Variants in NCKAP1 observed in about 807,000 individuals in gnomAD.
NCKAP1 encodes NCK associated protein 1.
Under a neutral mutation model 151.2 loss-of-function variants are expected in NCKAP1, and 21 were observed. The observed-to-expected ratio is 0.14, with a 90% CI of 0.10 to 0.20. NCKAP1 has a LOEUF of 0.20. Among genes scored for constraint, NCKAP1 ranks in the 10% least tolerant of loss-of-function variants. The pLI is 1.00. For missense variants in NCKAP1, 933 were observed against 1,352.1 expected (o/e 0.69, Z 4.86); for synonymous variants, 484 against 451.8 (o/e 1.07, Z -0.90).
At chr2:182,987,461 A>T (rs976473398) in intron 9 of NCKAP1, among the ~76,000 whole-genome samples, 4 of 152,212 alleles carry the variant, frequency 2.6e-5, no homozygotes, top group African/African-American at 9.6e-5. Flanking sequence ...CAATTAAATT[A>T]AAAATGCAAA....
At chr2:182,956,339 C>A (rs141332870) in intron 20 of NCKAP1, 123 bp downstream of exon 20, 3 of 1,280,592 alleles carry the variant, frequency 2.3e-6, no homozygotes, top group Non-Finnish European at 3.2e-6. Flanking sequence ...CACGCCCGGC[C>A]CGGTTCATTA....
Position 182,915,198 on chromosome 2 carries a change from A to G in NCKAP1, c.*10504T>C, listed in dbSNP as rs1696448190. 1.3e-5 allele frequency: 2 copies of G among 152,242 alleles called. No individual in the cohort carries two copies. The highest frequency in any genetic ancestry group is 1.3e-4 in the Admixed American group (2 of 15,282). The allele number at this position is 152,242 out of a possible 1,614,324, so 9.4% of individuals were successfully genotyped here. A position where few individuals can be genotyped will look rare whatever the true frequency, so the allele number is the denominator to read the frequency against. On this transcript the variant is annotated 3_prime_UTR_variant, in exon 31 of 31. Transcript: ENST00000361354. ...CAGATTTCTAGACTAGGCTTCACAT[A>G]GGGTGGCTTGCAGCATTTAGAAGCA... is the stretch of plus-strand genomic sequence containing the variant.
intron 2 of NCKAP1, among the ~76,000 whole-genome samples, chr2:183,019,038 A>AT (rs1200939646): frequency 3.3e-5 from 5 of 152,206 alleles, no homozygotes; most frequent in Non-Finnish European, 5.9e-5. Flanking sequence ...AAAGATTCCT[A>AT]TAACTTAGGA....
intron 1 of NCKAP1, among the ~76,000 whole-genome samples, chr2:183,027,075 C>G (rs1228154303): frequency 6.6e-6 from 1 of 152,046 alleles, no homozygotes; most frequent in Non-Finnish European, 1.5e-5. Flanking sequence ...AGCCTAAAGT[C>G]TACATTTGCT....
intron 10 of NCKAP1, among the ~76,000 whole-genome samples, chr2:182,984,320 TCA>T (rs960290039): frequency 2.6e-5 from 4 of 151,968 alleles, no homozygotes; most frequent in African/African-American, 9.7e-5. Context: ...GAAAACATTC[TCA>T]CATATTAACA....
Position 182,956,456 on chromosome 2 carries a change from T to C in NCKAP1, c.2153+6A>G, listed in dbSNP as rs750293191. The C allele has an allele frequency of 6.2e-6, 10 of 1,608,562 alleles. No homozygotes were observed. Among genetic ancestry groups the C allele is most frequent in the Non-Finnish European group, 8.5e-6 (10 of 1,177,908 alleles). On this transcript the variant is annotated splice_donor_region_variant and intron_variant, in intron 20 of 30. Coordinates refer to ENST00000361354, the MANE Select transcript of NCKAP1 (RefSeq NM_013436.5). ...ACAAACAAAAACAGTCAATATTCTT[T>C]CTTACTTGGTAAAGCGTATTTCCAG...
chr2:182,972,817 T>C (rs1472223140), intron 15 of NCKAP1, among the ~76,000 whole-genome samples: 1 of 152,192 alleles, frequency 6.6e-6, no homozygotes, highest in Non-Finnish European at 1.5e-5. Context: ...AAATGTCACA[T>C]GTTCTTACTC....
At chr2:182,942,394 AG>A (rs1697014370) in intron 23 of NCKAP1, among the ~76,000 whole-genome samples, 1 of 152,190 alleles carries the variant, frequency 6.6e-6, no homozygotes, top group African/African-American at 2.4e-5. Flanking sequence ...GTTCAGGAAA[AG>A]CAACAAAGGT....
Position 182,928,914 on chromosome 2 carries a change from T to G in NCKAP1, c.2954-15A>C. On this transcript the variant is annotated splice_polypyrimidine_tract_variant and intron_variant, in intron 27 of 30. Transcript: ENST00000361354. ...ACTAATGTTTTCTAAGAGACAAAAA[T>G]TAAGAATAAAATCAAGGTATTTCTT... 6.7e-7 allele frequency: 1 copy of G among 1,500,232 alleles called. No homozygotes were observed. The highest frequency in any genetic ancestry group is 9.2e-7 in the Non-Finnish European group (1 of 1,082,986). The allele number at this position is 1,500,232 out of a possible 1,614,324, so 92.9% of individuals were successfully genotyped here.
At chr2:182,935,626 G>A (rs1696857725) in intron 24 of NCKAP1, 2 of 228,780 alleles carry the variant, frequency 8.7e-6, no homozygotes, top group South Asian at 1.7e-4. Flanking sequence ...ATATGAGTTA[G>A]ATGGTTCACA....
chr2:183,033,344 G>A (rs993371649), intron 1 of NCKAP1, among the ~76,000 whole-genome samples: 3 of 152,228 alleles, frequency 2.0e-5, no homozygotes, highest in African/African-American at 7.2e-5. Context: ...GTTAGTTTCT[G>A]TCACTGGCTG....
intron 26 of NCKAP1, 136 bp from the exon 27 acceptor site, chr2:182,930,924 C>T (rs1696750608): frequency 3.0e-6 from 2 of 666,666 alleles, no homozygotes; most frequent in Non-Finnish European, 5.3e-6. Context: ...TACAGCAAAA[C>T]TAAGTATACT....
intron 17 of NCKAP1, among the ~76,000 whole-genome samples, chr2:182,962,933 G>A (rs1428537589): frequency 6.6e-6 from 1 of 151,578 alleles, no homozygotes; most frequent in Non-Finnish European, 1.5e-5. Context: ...TAACTGGAAT[G>A]TTGAGTATAA....
chr2:182,967,412 G>T, intron 15 of NCKAP1, 51 bp from the exon 16 acceptor site: 2 of 1,483,010 alleles, frequency 1.3e-6, no homozygotes, highest in South Asian at 2.5e-5. Flanking sequence ...AAATGACTTC[G>T]GACTTGTCAT....
intron 20 of NCKAP1, 70 bp from the exon 21 acceptor site, chr2:182,953,401 C>T: frequency 1.0e-6 from 1 of 1,004,808 alleles, no homozygotes; most frequent in Non-Finnish European, 1.5e-6. Context: ...AACCACTCAA[C>T]CTACTGTTAT....
rs71008253 is a variant in NCKAP1, at chr2:183,004,884, C to CAA, written c.220-1561_220-1560dup. On this transcript the variant is annotated intron_variant, in intron 2 of 30. Transcript: ENST00000361354. ...GGGTGACAGAGATGAGACTCCATCT[C>CAA]AAAAAAAAAAAAAGAAAAAAGAAAA... is the stretch of plus-strand genomic sequence containing the variant. 1.6e-3 allele frequency among the ~76,000 whole-genome samples: 223 copies of CAA among 136,158 alleles called. 2 individuals are homozygous for CAA. The highest frequency in any genetic ancestry group is 3.6e-3 in the South Asian group (15 of 4,178). The allele number at this position is 136,158 out of a possible 152,430, so 89.3% of individuals were successfully genotyped here.
In NCKAP1 at chr2:182,924,153, C is replaced by T. The variant is rs553046156; in HGVS notation, c.*1549G>A. On this transcript the variant is annotated 3_prime_UTR_variant, in exon 31 of 31. Coordinates refer to ENST00000361354, the MANE Select transcript of NCKAP1 (RefSeq NM_013436.5). ...CCCTTTTTAAAAAATCTTTATGGAACAAGTACAATTTTTCGACAGATAGTG... is the reference window on the plus strand; with the variant it reads ...CCCTTTTTAAAAAATCTTTATGGAATAAGTACAATTTTTCGACAGATAGTG... 3 of 152,238 alleles carry T rather than the reference C, an allele frequency of 2.0e-5. No individual in the cohort carries two copies. Among genetic ancestry groups the T allele is most frequent in the Admixed American group, 6.5e-5 (1 of 15,278 alleles). 9.4% of individuals were successfully genotyped at this position (152,238 alleles called of 1,614,324 possible).
At chr2:182,942,658 C>A (rs562909744) in intron 23 of NCKAP1, among the ~76,000 whole-genome samples, 35 of 151,468 alleles carry the variant, frequency 2.3e-4, no homozygotes, top group African/African-American at 8.5e-4. Context: ...AGTAATGTTT[C>A]CCAACAAAAA....
chr2:182,927,443 A>G (rs1332791682), intron 29 of NCKAP1, among the ~76,000 whole-genome samples: 1 of 152,092 alleles, frequency 6.6e-6, no homozygotes, highest in East Asian at 1.9e-4. Context: ...TTTTTTAAAA[A>G]AGCTGACAGG....
Sources: allele counts gnomAD v4.1 joint callset (sites outside exome capture counted in the v4.1 genomes callset), GRCh38; gene constraint gnomAD v4.1.1; transcripts MANE v1.5; gene names NCBI Gene and HGNC (gene_info 2026-07-23, HGNC 2026-07-21).